Variants in LAPTM5 observed in about 807,000 individuals in gnomAD.
The protein encoded by LAPTM5 is lysosomal-associated transmembrane protein 5.
LAPTM5 carries 11 observed loss-of-function variants against 30.1 expected under a neutral mutation model. The observed-to-expected ratio is 0.37, with a 90% CI of 0.23 to 0.60. The LOEUF (loss-of-function observed/expected upper bound fraction) is 0.60, where lower values mean the gene tolerates loss of function less well. Ranked by LOEUF, LAPTM5 falls within the 20% of genes least tolerant of loss-of-function variation. LAPTM5 has a pLI of 0.71. For missense variants in LAPTM5, 324 were observed against 332.5 expected (o/e 0.97, Z 0.20); for synonymous variants, 151 against 137.9 (o/e 1.10, Z -0.67).
intron 1 of LAPTM5, among the ~76,000 whole-genome samples, chr1:30,752,703 C>T (rs1219031871): frequency 6.6e-6 from 1 of 152,262 alleles, no homozygotes; most frequent in East Asian, 1.9e-4. Flanking sequence ...GGGCAGAGGC[C>T]GTGAATGAGT....
At chr1:30,742,303 C>G (rs1354775836) in intron 2 of LAPTM5, 153 bp downstream of exon 2, 4 of 612,896 alleles carry the variant, frequency 6.5e-6, no homozygotes, top group African/African-American at 5.5e-5. Context: ...GCGGATGAAA[C>G]AGCTGAGGCC....
rs1282900000 is a variant in LAPTM5 at position 30,746,740 on chromosome 1, C to T, written c.88-4191G>A. On this transcript the variant is annotated intron_variant, in intron 1 of 7. Coordinates refer to ENST00000294507, the MANE Select transcript of LAPTM5 (RefSeq NM_006762.3). The surrounding 1 kb of genome is among the most constrained non-coding windows in gnomAD (Gnocchi z 4.0). ...CAGATGGCCCCAGGCCCCAGCCGAGCTCTGCACCCTTGAGCCAGCCACTAA... is the reference window on the plus strand; with the variant it reads ...CAGATGGCCCCAGGCCCCAGCCGAGTTCTGCACCCTTGAGCCAGCCACTAA... 6.6e-6 allele frequency among the ~76,000 whole-genome samples: 1 copy of T among 150,462 alleles called. No homozygotes were observed. The highest frequency in any genetic ancestry group is 2.4e-5 in the African/African-American group (1 of 40,832).
rs539596515 is a variant in LAPTM5 at position 30,733,353 on chromosome 1, TA to T, written c.*474del. 1.8e-3 allele frequency: 588 copies of T among 321,996 alleles called. 3 individuals carry two copies. Among genetic ancestry groups the T allele is most frequent in the African/African-American group, 0.012 (535 of 45,402 alleles). The allele number at this position is 321,996 out of a possible 1,614,324, so 19.9% of individuals were successfully genotyped here. A position where few individuals can be genotyped will look rare whatever the true frequency, so the allele number is the denominator to read the frequency against. The stretch of plus-strand genomic sequence containing the variant: ...GAAATTGATTACATATATTTATATA[TA>T]GGGGGTAACTAATTAATGATTACTT... On this transcript the variant is annotated 3_prime_UTR_variant, in exon 8 of 8. Coordinates refer to ENST00000294507, the MANE Select transcript of LAPTM5 (RefSeq NM_006762.3).
At chr1:30,749,444 G>A (rs902231671) in intron 1 of LAPTM5, among the ~76,000 whole-genome samples, 1 of 152,216 alleles carries the variant, frequency 6.6e-6, no homozygotes, top group African/African-American at 2.4e-5. Flanking sequence ...ACCAAGGTGT[G>A]CACTTAAGAT....
intron 6 of LAPTM5, 138 bp downstream of exon 6, chr1:30,737,466 C>G: frequency 1.6e-6 from 1 of 608,126 alleles, no homozygotes; most frequent in Non-Finnish European, 2.9e-6. Flanking sequence ...CATGGGAAAG[C>G]AAGAGAAAGG....
chr1:30,740,684 G>A (rs1639957617), intron 3 of LAPTM5, among the ~76,000 whole-genome samples: 1 of 152,036 alleles, frequency 6.6e-6, no homozygotes, highest in Non-Finnish European at 1.5e-5. Context: ...AGTCTTCAGG[G>A]ACCACCTGCT....
At chr1:30,752,950 G>T (rs1640159330) in intron 1 of LAPTM5, among the ~76,000 whole-genome samples, 1 of 152,102 alleles carries the variant, frequency 6.6e-6, no homozygotes, top group African/African-American at 2.4e-5. Context: ...TGGACTACAG[G>T]CTCCCGCCAT....
chr1:30,734,274 CT>C (rs1639856600), intron 7 of LAPTM5, among the ~76,000 whole-genome samples: 1 of 152,200 alleles, frequency 6.6e-6, no homozygotes, highest in African/African-American at 2.4e-5. Context: ...TTCCATCCCC[CT>C]GGCTATAGTC....
At chr1:30,734,158 G>A (rs953956813) in intron 7 of LAPTM5, among the ~76,000 whole-genome samples, 2 of 152,178 alleles carry the variant, frequency 1.3e-5, no homozygotes, top group Non-Finnish European at 2.9e-5. Flanking sequence ...TGAAAACAGT[G>A]CACCATTTTC....
rs148102865 is a variant in LAPTM5 at position 30,746,454 on chromosome 1, CA to C, written c.88-3906del. On this transcript the variant is annotated intron_variant, in intron 1 of 7. Coordinates refer to ENST00000294507, the MANE Select transcript of LAPTM5 (RefSeq NM_006762.3). This position sits in a 1 kb window ranked among gnomAD's most constrained non-coding sequence, Gnocchi z 4.0. ...CAGACAGTCAACATTTCCAAGCCTC[CA>C]AGCCCTTGCCTTCCCCTCATGTCCC... is the stretch of plus-strand genomic sequence containing the variant. Among the ~76,000 whole-genome samples, 994 of 152,306 alleles carry C rather than the reference CA, an allele frequency of 6.5e-3. 16 individuals carry two copies. Among genetic ancestry groups the C allele is most frequent in the East Asian group, 0.029 (149 of 5,188 alleles).
chr1:30,756,629 G>GC (rs1478082834), intron 1 of LAPTM5, among the ~76,000 whole-genome samples: 2 of 152,158 alleles, frequency 1.3e-5, no homozygotes, highest in African/African-American at 4.8e-5. Flanking sequence ...GAACAGCATC[G>GC]CCCCCCTGAA....
chr1:30,740,011 C>T, intron 3 of LAPTM5, 74 bp from the exon 4 acceptor site: 1 of 1,457,436 alleles, frequency 6.9e-7, no homozygotes. Context: ...CTGATATCCT[C>T]ATGCATCCCC....
At chr1:30,734,892 G>A (rs1417754538) in intron 7 of LAPTM5, among the ~76,000 whole-genome samples, 3 of 152,308 alleles carry the variant, frequency 2.0e-5, no homozygotes, top group South Asian at 4.1e-4. Context: ...CTATGTGTCT[G>A]AACTGTACAC....
At chr1:30,741,765 C>A in intron 2 of LAPTM5, 49 bp from the exon 3 acceptor site, 1 of 1,432,486 alleles carries the variant, frequency 7.0e-7, no homozygotes, top group East Asian at 2.4e-5. Context: ...CCCTGGGACC[C>A]CAGCCAGGCT....
chr1:30,743,833 C>G (rs1363869403), intron 1 of LAPTM5, among the ~76,000 whole-genome samples: 1 of 123,068 alleles, frequency 8.1e-6, no homozygotes, highest in Non-Finnish European at 1.6e-5. Context: ...AGACACAGGT[C>G]TCAACTTGTC....
chr1:30,735,382 G>T, intron 6 of LAPTM5, 117 bp from the exon 7 acceptor site: 1 of 797,334 alleles, frequency 1.3e-6, no homozygotes, highest in Non-Finnish European at 2.1e-6. Flanking sequence ...GCATCCAGCT[G>T]CTCCTGCTCG....
chr1:30,736,425 GT>G (rs900509864), intron 6 of LAPTM5, among the ~76,000 whole-genome samples: 44 of 152,124 alleles, frequency 2.9e-4, no homozygotes, highest in African/African-American at 1.0e-3. Context: ...CTTATCTGTA[GT>G]TTTTTGGTTT....
At chr1:30,740,838 G>C (rs1466310085) in intron 3 of LAPTM5, among the ~76,000 whole-genome samples, 2 of 152,202 alleles carry the variant, frequency 1.3e-5, no homozygotes, top group Non-Finnish European at 2.9e-5. Context: ...GCTGGCATTT[G>C]AGGCAGGGTG....
rs1178681463 is a variant in LAPTM5, at chr1:30,739,553, GGCTGCACCCCCAA to G, written c.387+243_387+255del. 6.6e-6 allele frequency among the ~76,000 whole-genome samples: 1 copy of G among 152,152 alleles called. No homozygotes were observed. The highest frequency in any genetic ancestry group is 1.9e-4 in the East Asian group (1 of 5,196). On this transcript the variant is annotated intron_variant, in intron 4 of 7. Transcript: ENST00000294507. This position sits in a 1 kb window ranked among gnomAD's most constrained non-coding sequence, Gnocchi z 4.2. ...CAGCACTGACTGAGTGCTGACCATG[GGCTGCACCCCCAA>G]TGTGTGTGTTCCTCATGTAACCCTC...
Sources: gnomAD v4.1 joint callset for allele counts (sites outside exome capture counted in the v4.1 genomes callset) on GRCh38, gnomAD v4.1.1 for gene constraint, Gnocchi (gnomAD v3.1) non-coding constraint, MANE v1.5 for transcripts, NCBI Gene and HGNC (gene_info 2026-07-23, HGNC 2026-07-21) for gene names.